CARF: variants seen among roughly 807,000 people sequenced by gnomAD.
CARF encodes calcium responsive transcription factor.
In CARF, 57 loss-of-function variants were observed where a neutral mutation model predicts 82.0. The observed-to-expected ratio is 0.70, with a 90% confidence interval of 0.56 to 0.87. The LOEUF (loss-of-function observed/expected upper bound fraction) is 0.87. CARF is among the 40% of genes least tolerant of loss of function. The pLI, the probability that CARF is intolerant of heterozygous loss-of-function variation, is 0.00. For synonymous variants in CARF, 268 were observed against 290.1 expected, an observed-to-expected ratio of 0.92 and a Z score of 0.77; for missense variants, 771 against 855.8, an observed-to-expected ratio of 0.90 and a Z score of 1.24.
intron 3 of CARF, among the ~76,000 whole-genome samples, chr2:202,930,374 G>A (rs1692662777): frequency 6.6e-6 from 1 of 152,182 alleles, no homozygotes; most frequent in Middle Eastern, 3.4e-3. Flanking sequence ...GTATTTAATG[G>A]TATCCCATAA....
At chr2:202,972,570 G>C (rs903126330) in intron 12 of CARF, among the ~76,000 whole-genome samples, 2 of 151,492 alleles carry the variant, frequency 1.3e-5, no homozygotes, top group Non-Finnish European at 2.9e-5. Context: ...CCAGCTTCTC[G>C]GGAGGCTGAG....
At chr2:202,950,723 GTA>G (rs2058716309) in intron 5 of CARF, among the ~76,000 whole-genome samples, 1 of 152,090 alleles carries the variant, frequency 6.6e-6, no homozygotes, top group Non-Finnish European at 1.5e-5. Context: ...TTTATAAAAT[GTA>G]TATACTTGAG....
At chr2:202,973,949 G>A (rs1046012857) in intron 12 of CARF, among the ~76,000 whole-genome samples, 6 of 151,974 alleles carry the variant, frequency 3.9e-5, no homozygotes, top group Non-Finnish European at 7.4e-5. Context: ...TTAGCCGGGC[G>A]TGGTGGCACA....
chr2:202,958,782 G>C (rs2059170514), intron 8 of CARF, among the ~76,000 whole-genome samples: 1 of 151,908 alleles, frequency 6.6e-6, no homozygotes, highest in South Asian at 2.1e-4. Flanking sequence ...GCGCATGCCT[G>C]TAGTCCCAGC....
chr2:202,963,891 C>CA (rs957914546), intron 9 of CARF, among the ~76,000 whole-genome samples: 1 of 152,168 alleles, frequency 6.6e-6, no homozygotes, highest in African/African-American at 2.4e-5. Flanking sequence ...GCTGTAAATA[C>CA]AGATGAAGCT....
chr2:202,972,396 G>C (rs1268871576), intron 12 of CARF, among the ~76,000 whole-genome samples: 1 of 151,980 alleles, frequency 6.6e-6, no homozygotes, highest in Admixed American at 6.6e-5. Context: ...GGCAGTGGCA[G>C]AGTCAGGCGC....
Position 202,971,570 on chromosome 2 carries a change from C to T in CARF, c.1163C>T (p.Thr388Ile). ...CATGAATTAGAGACTCCCTGCCTCA[C>T]TTTGTCACCTTCTCCTTTTCCTGTG... Reference protein sequence around the residue: ...QYHELETPCLTLSPSPFPVSS... With the variant: ...QYHELETPCLILSPSPFPVSS... Residue 388 changes from threonine to isoleucine, a missense_variant, in exon 12 of 17, where the codon ACT becomes ATT. Transcript: ENST00000438828. 6.2e-7 allele frequency: 1 copy of T among 1,613,772 alleles called. No individual in the cohort carries two copies. The highest frequency in any genetic ancestry group is 8.5e-7 in the Non-Finnish European group (1 of 1,179,808).
intron 13 of CARF, among the ~76,000 whole-genome samples, chr2:202,974,759 C>G (rs776776527): frequency 2.3e-4 from 35 of 151,798 alleles, no homozygotes; most frequent in Admixed American, 3.9e-4. Context: ...ATTGGGTGGG[C>G]GTGATGGTGG....
At chr2:202,935,234 AT>A (rs1326157561) in intron 3 of CARF, among the ~76,000 whole-genome samples, 4 of 142,590 alleles carry the variant, frequency 2.8e-5, no homozygotes, top group Admixed American at 2.2e-4. Context: ...ACTAATATAT[AT>A]ATTATATATT....
chr2:202,952,761 T>C, intron 6 of CARF, 82 bp downstream of exon 6: 1 of 1,361,058 alleles, frequency 7.3e-7, no homozygotes, highest in Non-Finnish European at 1.0e-6. Context: ...TGAAAGTCAG[T>C]GCTAAAGTTG....
At chr2:202,966,084 C>G (rs1384679025) in intron 9 of CARF, among the ~76,000 whole-genome samples, 1 of 152,148 alleles carries the variant, frequency 6.6e-6, no homozygotes, top group Non-Finnish European at 1.5e-5. Context: ...TGATTACCTC[C>G]AGAGAGAGCA....
At position 202,961,347 on chromosome 2, in the gene CARF, A is replaced by C. The variant is rs2059313194; in HGVS notation, c.753A>C (p.Pro251=). ...TQSVWGTRQS[P]SPAKPATRLM... is the part of the protein sequence containing the mutation. ...GTGTTTGGGGGACCCGTCAGTCTCC[A>C]AGCCCAGCCAAGCCTGCTACACGCT... Residue 251 remains proline (P), a synonymous_variant, in exon 9 of 17, where the codon CCA becomes CCC. Transcript: ENST00000438828. The C allele has an allele frequency of 6.2e-7, 1 of 1,614,230 alleles. No homozygotes were observed. Among genetic ancestry groups the C allele is most frequent in the African/African-American group, 1.3e-5 (1 of 75,078 alleles).
At chr2:202,962,608 T>C (rs2059369867) in intron 9 of CARF, 1 of 152,210 alleles carries the variant, frequency 6.6e-6, no homozygotes, top group Non-Finnish European at 1.5e-5. Context: ...GAATTTCATG[T>C]GTATCGTTCT....
intron 3 of CARF, among the ~76,000 whole-genome samples, chr2:202,937,149 C>T (rs966872805): frequency 6.6e-6 from 1 of 152,112 alleles, no homozygotes; most frequent in Non-Finnish European, 1.5e-5. Flanking sequence ...GTATTTATTG[C>T]TCTAAATTTC....
At chr2:202,978,072 C>T (rs2060104884) in intron 14 of CARF, among the ~76,000 whole-genome samples, 2 of 152,180 alleles carry the variant, frequency 1.3e-5, no homozygotes, top group Non-Finnish European at 2.9e-5. Context: ...TCTCAAACTC[C>T]TGACCTCAGG....
At chr2:202,935,494 T>A (rs946439823) in intron 3 of CARF, among the ~76,000 whole-genome samples, 1 of 151,900 alleles carries the variant, frequency 6.6e-6, no homozygotes, top group Non-Finnish European at 1.5e-5. Flanking sequence ...CAGGCTGGAG[T>A]GCAGTGGCAC....
chr2:202,969,777 T>C, intron 10 of CARF, 142 bp from the exon 11 acceptor site: 1 of 480,076 alleles, frequency 2.1e-6, no homozygotes, highest in Non-Finnish European at 3.6e-6. Flanking sequence ...ATGGCATATA[T>C]TTTACATAAG....
Position 202,955,671 on chromosome 2 carries a change from C to T in CARF, c.558-3C>T, listed in dbSNP as rs374201716. On this transcript the variant is annotated splice_polypyrimidine_tract_variant and splice_region_variant and intron_variant, in intron 7 of 16. Coordinates refer to ENST00000438828, the MANE Select transcript of CARF (RefSeq NM_024744.17). ...ATTTATATATATTCCTCTCCTATCC[C>T]AGAATGCTGGAAGAACCCCTTCTGG... The T allele has an allele frequency of 2.5e-5, 40 of 1,602,654 alleles. No homozygotes were observed. In the African/African-American group the frequency reaches 4.0e-4, roughly 16 times the overall value.
At chr2:202,954,197 A>G in intron 7 of CARF, 63 bp downstream of exon 7, 1 of 1,551,220 alleles carries the variant, frequency 6.4e-7, no homozygotes, top group Non-Finnish European at 8.7e-7. Flanking sequence ...TTTACAAATT[A>G]CACATTTAAA....
Sources: allele counts gnomAD v4.1 joint callset (sites outside exome capture counted in the v4.1 genomes callset), GRCh38; gene constraint gnomAD v4.1.1; transcripts MANE v1.5; gene names NCBI Gene and HGNC (gene_info 2026-07-23, HGNC 2026-07-21).